Variants in DRC8 observed in about 807,000 individuals in gnomAD.
The protein encoded by DRC8 is dynein regulatory complex protein 8.
At chr1:245,025,190 C>A in the DRC8 span, among the ~76,000 whole-genome samples, 2 of 152,160 alleles carry the variant, frequency 1.3e-5, no homozygotes, top group African/African-American at 4.8e-5. Context: ...ACAAAATACA[C>A]CCACAAGGAG....
chr1:245,061,362 G>T, the DRC8 span, among the ~76,000 whole-genome samples: 1 of 152,196 alleles, frequency 6.6e-6, no homozygotes, highest in South Asian at 2.1e-4. Context: ...CACAGTGGGT[G>T]CTTAGGTCCT....
At chr1:245,033,879 G>A in the DRC8 span, among the ~76,000 whole-genome samples, 1 of 151,706 alleles carries the variant, frequency 6.6e-6, no homozygotes, top group African/African-American at 2.4e-5. Flanking sequence ...GCACCACCAT[G>A]CCCGGCTAAT....
the DRC8 span, among the ~76,000 whole-genome samples, chr1:245,099,941 C>T: frequency 6.6e-6 from 1 of 152,210 alleles, no homozygotes; most frequent in African/African-American, 2.4e-5. Context: ...CTGTCCCCAT[C>T]TCCAGAGGTC....
chr1:245,102,101 G>C, the DRC8 span, among the ~76,000 whole-genome samples: 1 of 152,180 alleles, frequency 6.6e-6, no homozygotes, highest in Non-Finnish European at 1.5e-5. Flanking sequence ...CTACACAATA[G>C]TGCACAGACA....
chr1:245,092,124 C>T, the DRC8 span, among the ~76,000 whole-genome samples: 4 of 152,198 alleles, frequency 2.6e-5, no homozygotes, highest in South Asian at 2.1e-4. Context: ...CTGGATCAGG[C>T]GCTTCACTTC....
the DRC8 span, chr1:245,083,862 C>A: frequency 1.2e-6 from 1 of 852,588 alleles, no homozygotes; most frequent in Non-Finnish European, 1.7e-6. Context: ...GTTAAGAGGA[C>A]AAAGAGTAGG....
the DRC8 span, among the ~76,000 whole-genome samples, chr1:245,052,357 T>G: frequency 3.3e-5 from 5 of 152,154 alleles, no homozygotes; most frequent in African/African-American, 1.2e-4. Flanking sequence ...GGCCCAGAGT[T>G]CAGGGTGGTG....
chr1:245,099,752 G>A, the DRC8 span, among the ~76,000 whole-genome samples: 10 of 151,878 alleles, frequency 6.6e-5, no homozygotes, highest in Non-Finnish European at 1.0e-4. Flanking sequence ...ACAGCAGAAG[G>A]AAAAAACAAA....
the DRC8 span, among the ~76,000 whole-genome samples, chr1:245,046,303 C>T: frequency 1.3e-5 from 2 of 151,678 alleles, no homozygotes; most frequent in African/African-American, 4.8e-5. Context: ...TTACATTTTT[C>T]TCTTCAGCTG....
chr1:245,078,347 TAAAATC>T, the DRC8 span, among the ~76,000 whole-genome samples: 4 of 152,170 alleles, frequency 2.6e-5, no homozygotes, highest in Non-Finnish European at 5.9e-5. Context: ...CCAAAAGAAA[TAAAATC>T]AGAATCTCTA....
the DRC8 span, among the ~76,000 whole-genome samples, chr1:244,986,359 GA>G: frequency 6.6e-6 from 1 of 152,210 alleles, no homozygotes; most frequent in African/African-American, 2.4e-5. Context: ...CCTGAAGTAA[GA>G]AAGGAGCATA....
the DRC8 span, among the ~76,000 whole-genome samples, chr1:245,112,786 C>G: frequency 2.7e-5 from 4 of 149,578 alleles, no homozygotes; most frequent in Non-Finnish European, 5.9e-5. Context: ...TGGAGTCTCT[C>G]TCTGTCACCC....
At chr1:245,048,102 G>A in the DRC8 span, among the ~76,000 whole-genome samples, 2 of 152,220 alleles carry the variant, frequency 1.3e-5, no homozygotes, top group South Asian at 4.2e-4. Flanking sequence ...GGAGGAAGAG[G>A]GGTTGGTCTT....
chr1:245,092,257 C>CA, the DRC8 span, among the ~76,000 whole-genome samples: 6 of 152,240 alleles, frequency 3.9e-5, no homozygotes, highest in African/African-American at 1.4e-4. Context: ...GCCCAAGAGA[C>CA]AAAAAAGAGT....
At chr1:245,008,101 G>T in the DRC8 span, among the ~76,000 whole-genome samples, 1 of 152,142 alleles carries the variant, frequency 6.6e-6, no homozygotes. Context: ...GCGTGAGCCT[G>T]GGAGTTTGAT....
chr1:245,034,345 A>G, the DRC8 span, among the ~76,000 whole-genome samples: 1 of 152,190 alleles, frequency 6.6e-6, no homozygotes, highest in Non-Finnish European at 1.5e-5. Context: ...TCATGCCTGT[A>G]ATCCCAGCAT....
the DRC8 span, among the ~76,000 whole-genome samples, chr1:245,110,888 T>C: frequency 6.6e-6 from 1 of 152,200 alleles, no homozygotes; most frequent in Non-Finnish European, 1.5e-5. Context: ...GCTTTTAGTG[T>C]GGTTATAGTG....
At chr1:244,972,674 T>A in the DRC8 span, among the ~76,000 whole-genome samples, 2 of 152,110 alleles carry the variant, frequency 1.3e-5, no homozygotes, top group Admixed American at 6.6e-5. Flanking sequence ...AAAAATTAGC[T>A]GGGCGTGGTG....
chr1:245,078,011 C>CA, the DRC8 span, among the ~76,000 whole-genome samples: 1 of 150,412 alleles, frequency 6.6e-6, no homozygotes, highest in Non-Finnish European at 1.5e-5. Context: ...AACTCAATTG[C>CA]AAAAACAAAA....
Sources: allele counts gnomAD v4.1 joint callset (sites outside exome capture counted in the v4.1 genomes callset), GRCh38; gene constraint gnomAD v4.1.1; transcripts MANE v1.5; gene names NCBI Gene and HGNC (gene_info 2026-07-23, HGNC 2026-07-21).